CCL28: variants seen among roughly 807,000 people sequenced by gnomAD.
CCL28 encodes C-C motif chemokine 28.
In CCL28, 4 loss-of-function variants were observed where a neutral mutation model predicts 7.1. The ratio of observed to expected loss-of-function variants is 0.56; its 90% CI spans 0.28 to 1.29. CCL28 has a LOEUF of 1.29. CCL28 is among the 50% of genes most tolerant of loss of function. The pLI, the probability that CCL28 is intolerant of heterozygous loss-of-function variation, is 0.11. For synonymous variants in CCL28, 55 were observed against 57.8 expected, an observed-to-expected ratio of 0.95 and a Z score of 0.22; for missense variants, 151 against 163.4, an observed-to-expected ratio of 0.92 and a Z score of 0.41.
chr5:43,404,935 T>G (rs767183359), intron 1 of CCL28, among the ~76,000 whole-genome samples: 3 of 152,120 alleles, frequency 2.0e-5, no homozygotes, highest in African/African-American at 7.2e-5. Flanking sequence ...ACGGTAAAGG[T>G]ATCAATTCAA....
At chr5:43,367,665 C>T in the CCL28 span, among the ~76,000 whole-genome samples, 4 of 150,784 alleles carry the variant, frequency 2.7e-5, no homozygotes, top group African/African-American at 9.8e-5. Flanking sequence ...GCAGGCCCCA[C>T]CCTGCTTTGA....
chr5:43,373,425 C>T (rs1263152401), downstream of CCL28, among the ~76,000 whole-genome samples: 5 of 151,940 alleles, frequency 3.3e-5, no homozygotes, highest in African/African-American at 4.8e-5. Flanking sequence ...CTCAGCCTCC[C>T]GAGTAGCTGG....
At chr5:43,369,881 T>G in the CCL28 span, among the ~76,000 whole-genome samples, 1 of 152,206 alleles carries the variant, frequency 6.6e-6, no homozygotes. Context: ...AGCTTCCATG[T>G]TTGTACTTTT....
chr5:43,396,325 C>G (rs1420404740), intron 1 of CCL28, among the ~76,000 whole-genome samples: 1 of 152,202 alleles, frequency 6.6e-6, no homozygotes, highest in East Asian at 1.9e-4. Flanking sequence ...GGCTTCTTCA[C>G]TGCAACCTGT....
At position 43,381,084 on chromosome 5, in the gene CCL28, A is replaced by G. The variant is rs1177142241; in HGVS notation, c.*776T>C. 1 of 152,090 alleles carries G rather than the reference A, an allele frequency of 6.6e-6. No homozygotes were observed. The highest frequency in any genetic ancestry group is 1.5e-5 in the Non-Finnish European group (1 of 67,996). The allele number at this position is 152,090 out of a possible 1,614,324, so 9.4% of individuals were successfully genotyped here. On this transcript the variant is annotated 3_prime_UTR_variant, in exon 3 of 3. Transcript: ENST00000361115. ...GGGTATGTCAAGTTATAACACCAAA[A>G]AGAAACTAGGGGTGAAGTGTCATGA...
chr5:43,378,000 GGGATTACA>G (rs2111663971), downstream of CCL28, among the ~76,000 whole-genome samples: 1 of 131,988 alleles, frequency 7.6e-6, no homozygotes, highest in South Asian at 2.3e-4. Flanking sequence ...CCAAAGTGCT[GGGATTACA>G]GGCGTGAGCC....
chr5:43,360,759 C>T, the CCL28 span, among the ~76,000 whole-genome samples: 4 of 152,056 alleles, frequency 2.6e-5, no homozygotes, highest in African/African-American at 9.7e-5. Context: ...ATCCTTTGCC[C>T]ACTTTCTAAT....
At chr5:43,375,238 C>G (rs1456129392), downstream of CCL28, among the ~76,000 whole-genome samples, 3 of 151,578 alleles carry the variant, frequency 2.0e-5, no homozygotes, top group Non-Finnish European at 4.4e-5. Context: ...ATCCACCCAC[C>G]ACGGTCTCCC....
chr5:43,378,575 C>T (rs1009577895), downstream of CCL28, among the ~76,000 whole-genome samples: 2 of 152,160 alleles, frequency 1.3e-5, no homozygotes, highest in Admixed American at 1.3e-4. Context: ...ACAGTATTTA[C>T]TCTTAGTACA....
At chr5:43,371,189 A>G in the CCL28 span, among the ~76,000 whole-genome samples, 2 of 152,348 alleles carry the variant, frequency 1.3e-5, no homozygotes, top group East Asian at 3.9e-4. Flanking sequence ...CATTACTAGC[A>G]TCCCCAAATG....
chr5:43,375,990 G>T (rs1345111718), downstream of CCL28, among the ~76,000 whole-genome samples: 1 of 152,066 alleles, frequency 6.6e-6, no homozygotes, highest in Non-Finnish European at 1.5e-5. Context: ...AGCTGAGATT[G>T]TGCCATTGCA....
rs1740011407 is a variant in CCL28, at chr5:43,379,324, A to T, written c.*2536T>A. ...ATCTTAACTTTTATTAATGTTGGTT[A>T]TCACGGTTAATTAATTTAAAATTGT... On this transcript the variant is annotated 3_prime_UTR_variant, in exon 3 of 3. Transcript: ENST00000361115. The T allele has an allele frequency of 6.6e-6, 1 of 152,214 alleles. No homozygotes were observed. The highest frequency in any genetic ancestry group is 2.1e-4 in the South Asian group (1 of 4,830). The allele number at this position is 152,214 out of a possible 1,614,324, so 9.4% of individuals were successfully genotyped here.
At chr5:43,407,371 T>A (rs1741328736) in intron 1 of CCL28, among the ~76,000 whole-genome samples, 1 of 152,134 alleles carries the variant, frequency 6.6e-6, no homozygotes, top group Non-Finnish European at 1.5e-5. Flanking sequence ...TTGACAAACC[T>A]GACAAAAATA....
intron 1 of CCL28, among the ~76,000 whole-genome samples, chr5:43,406,887 C>T (rs574632048): frequency 8.5e-5 from 13 of 152,318 alleles, no homozygotes; most frequent in African/African-American, 3.1e-4. Flanking sequence ...AACTCCCATT[C>T]ACAATTGCCT....
At position 43,380,029 on chromosome 5, in the gene CCL28, G is replaced by C. The variant is rs531036061; in HGVS notation, c.*1831C>G. On this transcript the variant is annotated 3_prime_UTR_variant, in exon 3 of 3. Coordinates refer to ENST00000361115, the MANE Select transcript of CCL28 (RefSeq NM_148672.3). ...TCAGTTACTTGGGAGGCTGAGGCAA[G>C]AGAATCACTTGAACGCGGGAGGCGG... 1 of 152,308 alleles carries C rather than the reference G, an allele frequency of 6.6e-6. No individual in the cohort carries two copies. Among genetic ancestry groups the C allele is most frequent in the Non-Finnish European group, 1.5e-5 (1 of 68,074 alleles). The allele number at this position is 152,308 out of a possible 1,614,324, so 9.4% of individuals were successfully genotyped here. A position where few individuals can be genotyped will look rare whatever the true frequency, so the allele number is the denominator to read the frequency against.
Position 43,410,868 on chromosome 5 carries a change from A to G in CCL28, c.64+1385T>C, listed in dbSNP as rs184964398. 1.0e-3 allele frequency among the ~76,000 whole-genome samples: 156 copies of G among 152,366 alleles called. 1 individual carries two copies. The highest frequency in any genetic ancestry group is 3.5e-3 in the African/African-American group (145 of 41,588). On this transcript the variant is annotated intron_variant, in intron 1 of 2. Coordinates refer to ENST00000361115, the MANE Select transcript of CCL28 (RefSeq NM_148672.3). Reference sequence around the variant, plus strand: ...TTTTTCTGAGAAATGTTACAGAAACATAAAGTGACAAATTTTTGTCTTTAT... The same window carrying G: ...TTTTTCTGAGAAATGTTACAGAAACGTAAAGTGACAAATTTTTGTCTTTAT...
chr5:43,396,204 T>C (rs989371251), intron 1 of CCL28, among the ~76,000 whole-genome samples: 2 of 152,130 alleles, frequency 1.3e-5, no homozygotes, highest in Non-Finnish European at 2.9e-5. Flanking sequence ...TCGGGTAACT[T>C]TCTGACGTTG....
intron 2 of CCL28, among the ~76,000 whole-genome samples, chr5:43,387,721 G>A (rs996518287): frequency 3.9e-5 from 6 of 152,138 alleles, no homozygotes; most frequent in Non-Finnish European, 8.8e-5. Flanking sequence ...CCTCGAACTG[G>A]GCTCAACGAT....
At chr5:43,399,268 G>T (rs1333604437) in intron 1 of CCL28, among the ~76,000 whole-genome samples, 1 of 152,112 alleles carries the variant, frequency 6.6e-6, no homozygotes, top group African/African-American at 2.4e-5. Context: ...TTTCAGATCT[G>T]TCTCCTCTTT....
Sources: allele counts gnomAD v4.1 joint callset (sites outside exome capture counted in the v4.1 genomes callset), GRCh38; gene constraint gnomAD v4.1.1; transcripts MANE v1.5; gene names NCBI Gene and HGNC (gene_info 2026-07-23, HGNC 2026-07-21).